PLCB3: variants seen among roughly 807,000 people sequenced by gnomAD.
PLCB3 encodes the protein phospholipase C beta 3.
Under a neutral mutation model 152.1 loss-of-function variants are expected in PLCB3, and 54 were observed. That is an observed-to-expected ratio of 0.36 (90% confidence interval 0.29 to 0.45). The LOEUF is 0.45. Ranked by LOEUF, PLCB3 falls within the 20% of genes least tolerant of loss-of-function variation. The pLI, the probability that PLCB3 is intolerant of heterozygous loss-of-function variation, is 1.00. For missense variants in PLCB3, 1,248 were observed against 1,687.5 expected (o/e 0.74, Z 4.56); for synonymous variants, 717 against 698.7 (o/e 1.03, Z -0.41).
intron 13 of PLCB3, 56 bp from the exon 14 acceptor site, chr11:64,259,973 C>T: frequency 6.8e-7 from 1 of 1,471,616 alleles, no homozygotes; most frequent in South Asian, 1.2e-5. Flanking sequence ...CCCCTCCAGA[C>T]TTCCTAAGCA....
Position 64,266,431 on chromosome 11 carries a change from C to T in PLCB3, c.3356+27C>T, listed in dbSNP as rs1172383124. The T allele has an allele frequency of 1.9e-6, 3 of 1,599,798 alleles. No homozygotes were observed. Among genetic ancestry groups the T allele is most frequent in the African/African-American group, 2.7e-5 (2 of 74,642 alleles). ...TAAGGGCACCGGGACCGGGGGCCAT[C>T]TGGGTACTGGGGAGGCAGGGCAGGT... On this transcript the variant is annotated intron_variant, in intron 28 of 30. Transcript: ENST00000279230. The surrounding 1 kb of genome is among the most constrained non-coding windows in gnomAD (Gnocchi z 4.9).
At chr11:64,261,795 C>T (rs1042461717) in intron 16 of PLCB3, 130 bp downstream of exon 16, 1 of 1,428,162 alleles carries the variant, frequency 7.0e-7, no homozygotes, top group Non-Finnish European at 9.8e-7. Flanking sequence ...GCACCCTGGC[C>T]TGGGGCTTGG....
At position 64,261,502 on chromosome 11, in the gene PLCB3, T is replaced by G; in HGVS notation, c.1828+6T>G. On this transcript the variant is annotated splice_donor_region_variant and intron_variant, in intron 15 of 30. Coordinates refer to ENST00000279230, the MANE Select transcript of PLCB3 (RefSeq NM_000932.5). Reference sequence around the variant, plus strand: ...GTCCTTTGAGGCTGCTCGAAGTGAGTGGGGGTGGGTGGCAGGCATGGGAGC... The same window carrying G: ...GTCCTTTGAGGCTGCTCGAAGTGAGGGGGGGTGGGTGGCAGGCATGGGAGC... 12 of 1,613,002 alleles carry G rather than the reference T, an allele frequency of 7.4e-6. No homozygotes were observed. The highest frequency in any genetic ancestry group is 1.0e-5 in the Non-Finnish European group (12 of 1,179,074).
rs376920661 is a variant in PLCB3, at chr11:64,264,119, C to A, written c.2652+7C>A. On this transcript the variant is annotated splice_region_variant and intron_variant, in intron 22 of 30. Coordinates refer to ENST00000279230, the MANE Select transcript of PLCB3 (RefSeq NM_000932.5). Reference sequence around the variant, plus strand: ...CCTCATTGGGGAGAGTGAGGTGAGCCGGGGCAGGGCAGGGCTCAGGCTCAC... The same window carrying A: ...CCTCATTGGGGAGAGTGAGGTGAGCAGGGGCAGGGCAGGGCTCAGGCTCAC... The A allele has an allele frequency of 9.2e-6, 14 of 1,521,356 alleles. No individual in the cohort carries two copies. Among genetic ancestry groups the A allele is most frequent in the Non-Finnish European group, 1.2e-5 (14 of 1,135,832 alleles). The allele number at this position is 1,521,356 out of a possible 1,614,324, so 94.2% of individuals were successfully genotyped here. A position where few individuals can be genotyped will look rare whatever the true frequency, so the allele number is the denominator to read the frequency against.
chr11:64,254,810 G>C lies in PLCB3; in HGVS notation c.240G>C (p.Leu80=). The part of the protein sequence containing the change: ...RDTRTGRYAR[L]PKDPKIREVL... The stretch of plus-strand genomic sequence containing the variant: ...CACGGACAGGCCGGTACGCCCGCCT[G>C]CCCAAGGTGAGTGATGAGCCTGGGA... The change falls in exon 3 of 31, where the codon CTG becomes CTC. Residue 80 remains leucine, a synonymous_variant. Coordinates refer to ENST00000279230, the MANE Select transcript of PLCB3 (RefSeq NM_000932.5). 6.2e-7 allele frequency: 1 copy of C among 1,613,868 alleles called. No individual in the cohort carries two copies. Among genetic ancestry groups the C allele is most frequent in the Non-Finnish European group, 8.5e-7 (1 of 1,179,996 alleles).
At chr11:64,268,634 C>A, downstream of PLCB3, 1 of 152,494 alleles carries the variant, frequency 6.6e-6, no homozygotes. Flanking sequence ...GGACCTGTCC[C>A]ATGCCTCAAG....
At chr11:64,262,872 A>C in intron 19 of PLCB3, 64 bp downstream of exon 19, 375 of 1,518,166 alleles carry the variant, frequency 2.5e-4, no homozygotes, top group Middle Eastern at 5.2e-4. Flanking sequence ...CCCGACTCTC[A>C]GGTGGGAGAA....
rs1402068077 is a variant in PLCB3, at chr11:64,265,889, T to G, written c.3039T>G (p.Gly1013=). ...GRCRLRPGAL[G]GAADVEDTKE... ...CCCAGAGGGGTTCTCCTCGCAGAGG[T>G]GGGGCCGCTGATGTGGAGGACACGA... Residue 1013 remains glycine (G), a synonymous_variant, in exon 26 of 31, where the codon GGT becomes GGG. Transcript: ENST00000279230. The G allele has an allele frequency of 1.9e-6, 3 of 1,611,756 alleles. No homozygotes were observed. In the African/African-American group the frequency reaches 4.0e-5, roughly 22 times the overall value.
At chr11:64,259,338 A>C (rs1591107202) in intron 13 of PLCB3, 94 bp downstream of exon 13, 4 of 1,047,884 alleles carry the variant, frequency 3.8e-6, no homozygotes, top group East Asian at 2.7e-5. Flanking sequence ...CCCCCAGCCC[A>C]CCCTCCTGCC....
At chr11:64,257,508 T>C (rs2031603453) in intron 10 of PLCB3, among the ~76,000 whole-genome samples, 1 of 151,856 alleles carries the variant, frequency 6.6e-6, no homozygotes, top group Non-Finnish European at 1.5e-5. Context: ...TCCTAGCTGC[T>C]TGGGAGGGTG....
chr11:64,256,807 G>C, intron 10 of PLCB3, 43 bp downstream of exon 10: 1 of 1,600,116 alleles, frequency 6.2e-7, no homozygotes. Flanking sequence ...TCTGCCCTGT[G>C]ACCCTTGCAC....
At position 64,262,508 on chromosome 11, in the gene PLCB3, C is replaced by G. The variant is rs771594751; in HGVS notation, c.2140C>G (p.Pro714Ala). ...FMRRPDKSFD[P>A]FTEVIVDGIV... is the part of the protein sequence containing the mutation. ...GCGGCGGCCGGACAAGTCCTTCGACCCCTTCACTGAGGTCATCGTGGATGG... is the reference window on the plus strand; with the variant it reads ...GCGGCGGCCGGACAAGTCCTTCGACGCCTTCACTGAGGTCATCGTGGATGG... The change falls in exon 18 of 31, where the codon CCC (proline) becomes GCC (alanine). Residue 714 changes from proline to alanine, a missense_variant. By Grantham distance (27) the Pro-to-Ala change is conservative. This residue lies in a region of PLCB3 where 244 missense variants were observed against 424.4 expected (regional missense o/e 0.57). Coordinates refer to ENST00000279230, the MANE Select transcript of PLCB3 (RefSeq NM_000932.5). 4 of 1,614,018 alleles carry G rather than the reference C, an allele frequency of 2.5e-6. No individual in the cohort carries two copies. The East Asian group carries it at 6.7e-5, about 27-fold the overall frequency.
chr11:64,254,329 T>C, intron 1 of PLCB3, 86 bp from the exon 2 acceptor site: 1 of 1,077,252 alleles, frequency 9.3e-7, no homozygotes, highest in Non-Finnish European at 1.4e-6. Context: ...GCAGGAACTC[T>C]GGGGTGCATG....
Position 64,262,740 on chromosome 11 carries a change from C to T in PLCB3, c.2287C>T (p.Arg763Cys), listed in dbSNP as rs781055740. The T allele has an allele frequency of 4.3e-6, 7 of 1,613,736 alleles. No homozygotes were observed. The highest frequency in any genetic ancestry group is 4.2e-6 in the Non-Finnish European group (5 of 1,180,020). The change falls in exon 19 of 31, where the codon CGC becomes TGC. Residue 763 changes from arginine to cysteine, a missense_variant. This residue lies in a region of PLCB3 where 244 missense variants were observed against 424.4 expected (regional missense o/e 0.57). Transcript: ENST00000279230. ...CCCTGTTGATACGCGGCGCAAGTACCGCACCCGGACCTCTCAGGGGAACTC... is the reference window on the plus strand; with the variant it reads ...CCCTGTTGATACGCGGCGCAAGTACTGCACCCGGACCTCTCAGGGGAACTC... ...GLPVDTRRKY[R>C]TRTSQGNSFN...
Position 64,258,597 on chromosome 11 carries a change from C to T in PLCB3, c.1137C>T (p.His379=), listed in dbSNP as rs151101135. The T allele has an allele frequency of 1.6e-4, 262 of 1,613,970 alleles. No homozygotes were observed. Among genetic ancestry groups the T allele is most frequent in the Non-Finnish European group, 2.0e-4 (235 of 1,180,038 alleles). The change falls in exon 11 of 31, where the codon CAC becomes CAT. Residue 379 remains histidine, a synonymous_variant. Coordinates refer to ENST00000279230, the MANE Select transcript of PLCB3 (RefSeq NM_000932.5). This position sits in a 1 kb window ranked among gnomAD's most constrained non-coding sequence, Gnocchi z 7.2. ...CTGAGGAGGAACCCTTCATTACCCA[C>T]GGCTTCACCATGACCACAGAGGTGC... ...RPPEEEPFIT[H]GFTMTTEVPL...
chr11:64,265,735 T>A, intron 25 of PLCB3, 151 bp from the exon 26 acceptor site: 1 of 1,218,706 alleles, frequency 8.2e-7, no homozygotes, highest in Non-Finnish European at 1.1e-6. Context: ...ATCACTTGGG[T>A]GGAGCTAACA....
At chr11:64,260,704 T>G (rs1304560497) in intron 14 of PLCB3, among the ~76,000 whole-genome samples, 1 of 126,324 alleles carries the variant, frequency 7.9e-6, no homozygotes, top group South Asian at 2.4e-4. Flanking sequence ...ACCTGGGAGG[T>G]GGAGGTTGCA....
chr11:64,266,259 G>A lies in PLCB3; in HGVS notation c.3267-56G>A. The A allele has an allele frequency of 6.2e-7, 1 of 1,613,786 alleles. No individual in the cohort carries two copies. The highest frequency in any genetic ancestry group is 8.5e-7 in the Non-Finnish European group (1 of 1,179,930). ...TGGGGACTTCTAGTACCAGAAGGAG[G>A]GCAGAGTCTGTGCTTCTGCCGCTGA... On this transcript the variant is annotated intron_variant, in intron 27 of 30. Transcript: ENST00000279230. This position sits in a 1 kb window ranked among gnomAD's most constrained non-coding sequence, Gnocchi z 4.9.
In PLCB3 at chr11:64,255,992, G is replaced by A. The variant is rs1303742660; in HGVS notation, c.698+171G>A. On this transcript the variant is annotated intron_variant, in intron 8 of 30. Coordinates refer to ENST00000279230, the MANE Select transcript of PLCB3 (RefSeq NM_000932.5). This position sits in a 1 kb window ranked among gnomAD's most constrained non-coding sequence, Gnocchi z 6.8. ...CGGTGATGTTCCTGTACTCAGACCC[G>A]CCGTTTCTGCCCCTCAGTTACAGGC... Among the ~76,000 whole-genome samples the A allele has an allele frequency of 2.6e-5, 4 of 152,110 alleles. No homozygotes were observed. Among genetic ancestry groups the A allele is most frequent in the South Asian group, 2.1e-4 (1 of 4,830 alleles).
Sources: allele counts gnomAD v4.1 joint callset (sites outside exome capture counted in the v4.1 genomes callset), GRCh38; gene constraint gnomAD v4.1.1; regional missense constraint gnomAD v4.1.1; non-coding constraint Gnocchi (gnomAD v3.1); transcripts MANE v1.5; gene names NCBI Gene and HGNC (gene_info 2026-07-23, HGNC 2026-07-21).